The following TBC1D2B variants were observed in gnomAD, a reference collection of about 807,000 sequenced individuals.
TBC1D2B encodes TBC1 domain family, member 2B.
A neutral mutation model predicts 100.8 loss-of-function variants in TBC1D2B; 64 were observed. That is an observed-to-expected ratio of 0.64 (90% CI 0.52 to 0.78). The LOEUF is 0.78. Ranked by LOEUF, TBC1D2B falls within the 30% of genes least tolerant of loss-of-function variation. TBC1D2B has a pLI of 0.00. For synonymous variants in TBC1D2B, 480 were observed against 479.7 expected (o/e 1.00, Z -0.01); for missense variants, 1,052 against 1,218.4 (o/e 0.86, Z 2.03).
At chr15:78,006,524 C>T (rs1253465948) in intron 10 of TBC1D2B, among the ~76,000 whole-genome samples, 1 of 152,252 alleles carries the variant, frequency 6.6e-6, no homozygotes, top group Non-Finnish European at 1.5e-5. Context: ...AGCCCACCCT[C>T]TGGGAAGGTG....
rs893083359 is a variant in TBC1D2B at position 77,996,815 on chromosome 15, C to T, written c.*1345G>A. 6.6e-6 allele frequency: 1 copy of T among 152,224 alleles called. No homozygotes were observed. The highest frequency in any genetic ancestry group is 2.4e-5 in the African/African-American group (1 of 41,460). The allele number at this position is 152,224 out of a possible 1,614,324, so 9.4% of individuals were successfully genotyped here. A position where few individuals can be genotyped will look rare whatever the true frequency, so the allele number is the denominator to read the frequency against. ...TTTTTTTCGGGTAATATGAAACATT[C>T]CACTGAGATCATTTATCTTGTATTT... On this transcript the variant is annotated 3_prime_UTR_variant, in exon 13 of 13. Coordinates refer to ENST00000300584, the MANE Select transcript of TBC1D2B (RefSeq NM_144572.2).
At chr15:78,075,262 G>A (rs374819706) in intron 1 of TBC1D2B, among the ~76,000 whole-genome samples, 4 of 151,794 alleles carry the variant, frequency 2.6e-5, no homozygotes, top group African/African-American at 7.2e-5. Flanking sequence ...GCAGTGGCGC[G>A]ATCTCTGCTC....
chr15:78,060,928 C>T (rs571575219), intron 1 of TBC1D2B, among the ~76,000 whole-genome samples: 2 of 152,044 alleles, frequency 1.3e-5, no homozygotes, highest in South Asian at 4.2e-4. Context: ...AAAATGAAAT[C>T]AGAAGACCCT....
At chr15:78,026,505 G>A (rs2072673095) in intron 4 of TBC1D2B, among the ~76,000 whole-genome samples, 1 of 152,156 alleles carries the variant, frequency 6.6e-6, no homozygotes, top group Non-Finnish European at 1.5e-5. Flanking sequence ...AGAACCATGA[G>A]CCAAATAAAT....
intron 1 of TBC1D2B, among the ~76,000 whole-genome samples, chr15:78,057,648 A>G (rs1216989665): frequency 6.7e-6 from 1 of 149,136 alleles, no homozygotes; most frequent in Non-Finnish European, 1.5e-5. Context: ...TGTCTCAAAG[A>G]AAAAAAAAAA....
chr15:78,072,151 G>A (rs2073751188), intron 1 of TBC1D2B, among the ~76,000 whole-genome samples: 1 of 152,176 alleles, frequency 6.6e-6, no homozygotes, highest in South Asian at 2.1e-4. Flanking sequence ...ACAAACACTA[G>A]TTTATAGCAT....
intron 1 of TBC1D2B, among the ~76,000 whole-genome samples, chr15:78,063,807 G>A (rs2073598580): frequency 6.6e-6 from 1 of 152,132 alleles, no homozygotes; most frequent in Non-Finnish European, 1.5e-5. Flanking sequence ...TCCCTTGTCA[G>A]TCTCTCAGAT....
intron 1 of TBC1D2B, among the ~76,000 whole-genome samples, chr15:78,060,590 C>T (rs145753476): frequency 8.5e-5 from 13 of 152,172 alleles, no homozygotes; most frequent in African/African-American, 2.2e-4. Flanking sequence ...TGCAGTGAGC[C>T]GAGATCTGTA....
rs2073850083 is a variant in TBC1D2B at position 78,077,505 on chromosome 15, G to A, written c.148C>T (p.Leu50=). The A allele has an allele frequency of 2.0e-6, 3 of 1,531,204 alleles. No individual in the cohort carries two copies. The highest frequency in any genetic ancestry group is 1.8e-6 in the Non-Finnish European group (2 of 1,139,158). The allele number at this position is 1,531,204 out of a possible 1,614,324, so 94.9% of individuals were successfully genotyped here. A position where few individuals can be genotyped will look rare whatever the true frequency, so the allele number is the denominator to read the frequency against. The change falls in exon 1 of 13, where the codon CTG becomes TTG. Residue 50 remains leucine (L), a synonymous_variant. Transcript: ENST00000300584. ...YLQKLSGKGP[L]RGYRSRWFVF... ...AACCAGCGGCTGCGGTAGCCACGCA[G>A]GGGGCCCTTGCCCGACAGCTTCTGC...
At chr15:78,001,865 G>A (rs967898106) in intron 11 of TBC1D2B, 125 bp from the exon 12 acceptor site, 9 of 1,126,962 alleles carry the variant, frequency 8.0e-6, no homozygotes, top group African/African-American at 7.9e-5. Context: ...TCCCCGCCCT[G>A]GGGAAAGACT....
At chr15:78,042,738 G>C (rs909924085) in intron 3 of TBC1D2B, among the ~76,000 whole-genome samples, 1 of 152,212 alleles carries the variant, frequency 6.6e-6, no homozygotes, top group African/African-American at 2.4e-5. Flanking sequence ...AGAATGGCCG[G>C]AACACAGAGG....
intron 1 of TBC1D2B, among the ~76,000 whole-genome samples, chr15:78,069,308 G>A (rs565303495): frequency 3.7e-4 from 57 of 152,286 alleles, no homozygotes; most frequent in South Asian, 8.3e-4. Context: ...CCACCAGGGC[G>A]GGCCGGCCCT....
Position 77,997,640 on chromosome 15 carries a change from A to G in TBC1D2B, c.*520T>C, listed in dbSNP as rs2071798208. ...TTTCCTACAGTGGCCATTTCTGAACAAGGGATGTGCCTGCTTTTCTAAGGC... is the reference window on the plus strand; with the variant it reads ...TTTCCTACAGTGGCCATTTCTGAACGAGGGATGTGCCTGCTTTTCTAAGGC... On this transcript the variant is annotated 3_prime_UTR_variant, in exon 13 of 13. Transcript: ENST00000300584. The G allele has an allele frequency of 6.6e-6, 1 of 152,356 alleles. No individual in the cohort carries two copies. The highest frequency in any genetic ancestry group is 6.5e-5 in the Admixed American group (1 of 15,290). 9.4% of individuals were successfully genotyped at this position (152,356 alleles called of 1,614,324 possible). A position where few individuals can be genotyped will look rare whatever the true frequency, so the allele number is the denominator to read the frequency against.
At chr15:78,029,041 A>T (rs1297614133) in intron 4 of TBC1D2B, among the ~76,000 whole-genome samples, 3 of 151,746 alleles carry the variant, frequency 2.0e-5, no homozygotes, top group Non-Finnish European at 2.9e-5. Flanking sequence ...TAAATATAAT[A>T]AAGAAGTTGT....
chr15:78,022,715 A>G (rs1596313409), intron 6 of TBC1D2B, among the ~76,000 whole-genome samples: 1 of 145,928 alleles, frequency 6.9e-6, no homozygotes, highest in Admixed American at 6.9e-5. Context: ...ATGCCTGGCC[A>G]TTTTTTTTTT....
intron 1 of TBC1D2B, among the ~76,000 whole-genome samples, chr15:78,065,846 A>G (rs972866012): frequency 1.3e-5 from 2 of 152,146 alleles, no homozygotes; most frequent in East Asian, 3.8e-4. Flanking sequence ...GAGGCAGTGG[A>G]GCCAGGTACC....
In TBC1D2B at chr15:77,995,587, C is replaced by A. The variant is rs1308333810; in HGVS notation, c.*2573G>T. ...AATAGATATGTGGAATCTAGAAACA[C>A]CTTGAGAAAATAGCCTATAAAAATA... On this transcript the variant is annotated 3_prime_UTR_variant, in exon 13 of 13. Transcript: ENST00000300584. 2 of 152,324 alleles carry A rather than the reference C, an allele frequency of 1.3e-5. No individual in the cohort carries two copies. Among genetic ancestry groups the A allele is most frequent in the Non-Finnish European group, 2.9e-5 (2 of 68,014 alleles). 9.4% of individuals were successfully genotyped at this position (152,324 alleles called of 1,614,324 possible). A position where few individuals can be genotyped will look rare whatever the true frequency, so the allele number is the denominator to read the frequency against.
At chr15:78,011,399 C>T (rs1264385137) in intron 9 of TBC1D2B, among the ~76,000 whole-genome samples, 1 of 152,112 alleles carries the variant, frequency 6.6e-6, no homozygotes, top group Non-Finnish European at 1.5e-5. Flanking sequence ...CTCAGAACTC[C>T]AGCTCATGCA....
chr15:78,054,077 A>C lies in TBC1D2B; in HGVS notation c.471T>G (p.Thr157=), dbSNP rs752065231. The change falls in exon 2 of 13, where the codon ACT becomes ACG. Residue 157 remains threonine (T), a synonymous_variant. Coordinates refer to ENST00000300584, the MANE Select transcript of TBC1D2B (RefSeq NM_144572.2). The part of the protein sequence containing the change: ...MVKWDSRTSP[T]PGDFPKGLVA... ...CAAGACCCTTAGGAAAATCCCCGGG[A>C]GTTGGAGAGGTCCTGCTGTCCCACT... The C allele has an allele frequency of 1.5e-4, 242 of 1,613,546 alleles. No individual in the cohort carries two copies. Among genetic ancestry groups the C allele is most frequent in the Non-Finnish European group, 2.0e-4 (231 of 1,179,770 alleles).
Sources: gnomAD v4.1 joint callset for allele counts (sites outside exome capture counted in the v4.1 genomes callset) on GRCh38, gnomAD v4.1.1 for gene constraint, MANE v1.5 for transcripts, NCBI Gene and HGNC (gene_info 2026-07-23, HGNC 2026-07-21) for gene names.